DIS3L2: variants seen among roughly 807,000 people sequenced by gnomAD.
DIS3L2 encodes DIS3 like 3'-5' exoribonuclease 2.
DIS3L2 carries 34 observed loss-of-function variants against 97.5 expected under a neutral mutation model. The ratio of observed to expected loss-of-function variants is 0.35; its 90% CI spans 0.27 to 0.46. The LOEUF is 0.46. Ranked by LOEUF, DIS3L2 falls within the 20% of genes least tolerant of loss-of-function variation. The probability of loss-of-function intolerance (pLI) is 1.00; values close to 1 mark genes in which losing one functional copy is unlikely to be tolerated. For synonymous variants in DIS3L2, 435 were observed against 445.2 expected, an observed-to-expected ratio of 0.98 and a Z score of 0.29; for missense variants, 1,038 against 1,146.0, an observed-to-expected ratio of 0.91 and a Z score of 1.36.
At chr2:232,285,648 G>C (rs1694408924) in intron 13 of DIS3L2, among the ~76,000 whole-genome samples, 1 of 152,222 alleles carries the variant, frequency 6.6e-6, no homozygotes, top group African/African-American at 2.4e-5. Context: ...ATGGGTTTGA[G>C]TTCCATTTCC....
intron 1 of DIS3L2, among the ~76,000 whole-genome samples, chr2:231,994,103 T>C (rs1196848921): frequency 6.6e-6 from 1 of 151,418 alleles, no homozygotes; most frequent in African/African-American, 2.4e-5. Flanking sequence ...TTTGGTCTAT[T>C]GATGTCCAGT....
intron 9 of DIS3L2, among the ~76,000 whole-genome samples, chr2:232,171,431 C>A (rs1690988181): frequency 6.6e-6 from 1 of 152,138 alleles, no homozygotes; most frequent in South Asian, 2.1e-4. Context: ...TTATTTAGAG[C>A]TGTCTCATTC....
chr2:232,157,501 T>C (rs916001098), intron 8 of DIS3L2, among the ~76,000 whole-genome samples: 5 of 152,216 alleles, frequency 3.3e-5, no homozygotes, highest in Non-Finnish European at 7.3e-5. Context: ...AAGTCCTTAA[T>C]TACAAACAAT....
At position 232,294,045 on chromosome 2, in the gene DIS3L2, C is replaced by T. The variant is rs138809858; in HGVS notation, c.1660-5995C>T. On this transcript the variant is annotated intron_variant, in intron 13 of 20. Transcript: ENST00000325385. ...CTTTGTCAGTCTTTGGAGTCTGTGT[C>T]CTCCATGATTTGGCTCCCTTCTCAG... Among the ~76,000 whole-genome samples the T allele has an allele frequency of 3.1e-3, 468 of 152,342 alleles. 3 individuals are homozygous for T. Among genetic ancestry groups the T allele is most frequent in the Admixed American group, 7.4e-3 (113 of 15,310 alleles).
intron 11 of DIS3L2, among the ~76,000 whole-genome samples, chr2:232,247,265 T>C (rs1693276862): frequency 6.6e-6 from 1 of 152,152 alleles, no homozygotes; most frequent in South Asian, 2.1e-4. Flanking sequence ...CCAGCAAACT[T>C]GATGTAGTCT....
chr2:232,136,415 C>G (rs961972899), intron 7 of DIS3L2, 57 bp from the exon 8 acceptor site: 3 of 1,594,232 alleles, frequency 1.9e-6, no homozygotes, highest in African/African-American at 2.7e-5. Flanking sequence ...TGACCTCTCC[C>G]AAGTGTAATT....
chr2:232,103,243 T>G (rs1274303800), intron 6 of DIS3L2, among the ~76,000 whole-genome samples: 1 of 152,210 alleles, frequency 6.6e-6, no homozygotes, highest in East Asian at 1.9e-4. Flanking sequence ...TTTTATTTAT[T>G]ACCTTATTTC....
intron 12 of DIS3L2, among the ~76,000 whole-genome samples, chr2:232,258,577 TGACAGAGC>T (rs994583944): frequency 2.5e-5 from 3 of 121,602 alleles, no homozygotes; most frequent in African/African-American, 9.7e-5. Context: ...AGTGACAGAG[TGACAGAGC>T]GAGACTCTGT....
chr2:232,207,236 G>A (rs2106214150), intron 9 of DIS3L2, among the ~76,000 whole-genome samples: 2 of 152,202 alleles, frequency 1.3e-5, no homozygotes, highest in South Asian at 4.1e-4. Flanking sequence ...TAAAACATTT[G>A]GTTAGATTTT....
chr2:232,208,189 C>T (rs1404170274), intron 9 of DIS3L2, among the ~76,000 whole-genome samples: 5 of 152,158 alleles, frequency 3.3e-5, no homozygotes, highest in East Asian at 1.9e-4. Flanking sequence ...CCCGCACAAG[C>T]GTACCTTTCC....
chr2:232,329,795 C>CGGG lies in DIS3L2; in HGVS notation c.1740-18_1740-17insGGG. On this transcript the variant is annotated splice_polypyrimidine_tract_variant and intron_variant, in intron 14 of 20. Coordinates refer to ENST00000325385, the MANE Select transcript of DIS3L2 (RefSeq NM_152383.5). ...CCCAAACCCCAGCGGTCCCTCCCAT[C>CGGG]CCACCCACCCTCTGCAGGCTCGTGG... 6.3e-6 allele frequency: 2 copies of CGGG among 318,102 alleles called. No individual in the cohort carries two copies. The highest frequency in any genetic ancestry group is 1.2e-5 in the Non-Finnish European group (2 of 173,894). The allele number at this position is 318,102 out of a possible 1,614,324, so 19.7% of individuals were successfully genotyped here. A position where few individuals can be genotyped will look rare whatever the true frequency, so the allele number is the denominator to read the frequency against.
chr2:231,986,930 G>T (rs1693429292), intron 1 of DIS3L2, among the ~76,000 whole-genome samples: 1 of 152,214 alleles, frequency 6.6e-6, no homozygotes, highest in South Asian at 2.1e-4. Flanking sequence ...GATCCATTTT[G>T]TGATGACTTC....
intron 13 of DIS3L2, among the ~76,000 whole-genome samples, chr2:232,298,076 T>C (rs1226422352): frequency 6.6e-6 from 1 of 152,232 alleles, no homozygotes; most frequent in Non-Finnish European, 1.5e-5. Context: ...TGCATCCTGC[T>C]TTATCTCATC....
rs1208382042 is a variant in DIS3L2, at chr2:232,321,901, G to A, written c.1740-7912G>A. On this transcript the variant is annotated intron_variant, in intron 14 of 20. Coordinates refer to ENST00000325385, the MANE Select transcript of DIS3L2 (RefSeq NM_152383.5). ...GCCATGTGTGTGCGCCTGTGCCTGT[G>A]ACCAGCCTCAGGGCCTAGGGGCAGG... 3.3e-5 allele frequency among the ~76,000 whole-genome samples: 5 copies of A among 152,206 alleles called. No homozygotes were observed. The South Asian group carries it at 1.0e-3, about 31-fold the overall frequency.
intron 16 of DIS3L2, 125 bp downstream of exon 16, chr2:232,330,901 G>A: frequency 4.0e-6 from 4 of 1,000,686 alleles, no homozygotes; most frequent in Non-Finnish European, 6.1e-6. Flanking sequence ...TGGGTGGACG[G>A]GGGCTGCTCC....
intron 3 of DIS3L2, among the ~76,000 whole-genome samples, chr2:232,019,668 G>A (rs959253314): frequency 4.0e-5 from 6 of 151,802 alleles, no homozygotes; most frequent in African/African-American, 1.5e-4. Context: ...ACTTAGAAGG[G>A]AGAGATGATA....
rs1559503240 is a variant in DIS3L2 at position 231,970,824 on chromosome 2, T to TAA, written c.-94+9059_-94+9060insAA. 1.2e-4 allele frequency among the ~76,000 whole-genome samples: 12 copies of TAA among 101,534 alleles called. No individual in the cohort carries two copies. The East Asian group carries it at 7.0e-3, about 59-fold the overall frequency. 66.6% of individuals were successfully genotyped at this position (101,534 alleles called of 152,430 possible). A position where few individuals can be genotyped will look rare whatever the true frequency, so the allele number is the denominator to read the frequency against. On this transcript the variant is annotated intron_variant, in intron 1 of 20. Coordinates refer to ENST00000325385, the MANE Select transcript of DIS3L2 (RefSeq NM_152383.5). ...TTTTTACTTTATAAACTTTAATTTT[T>TAA]TATATTTTGATTCTTATAATAATAC...
At chr2:232,026,525 TGGAGGCACCCCCATTGA>T (rs1694662065) in intron 4 of DIS3L2, among the ~76,000 whole-genome samples, 1 of 151,860 alleles carries the variant, frequency 6.6e-6, no homozygotes, top group African/African-American at 2.4e-5. Flanking sequence ...TGCCATTGAG[TGGAGGCACCCCCATTGA>T]GGGGGTGCCT....
intron 9 of DIS3L2, among the ~76,000 whole-genome samples, chr2:232,194,290 G>A (rs1691691970): frequency 6.6e-6 from 1 of 151,904 alleles, no homozygotes; most frequent in African/African-American, 2.4e-5. Flanking sequence ...AATAGATATT[G>A]TTGGAATTAA....
Sources: allele counts gnomAD v4.1 joint callset (sites outside exome capture counted in the v4.1 genomes callset), GRCh38; gene constraint gnomAD v4.1.1; transcripts MANE v1.5; gene names NCBI Gene and HGNC (gene_info 2026-07-23, HGNC 2026-07-21).